Variants in SEMA3E observed in about 807,000 individuals in gnomAD.
The protein encoded by SEMA3E is semaphorin-3E.
SEMA3E carries 49 observed loss-of-function variants against 93.6 expected under a neutral mutation model. That is an observed-to-expected ratio of 0.52 (90% confidence interval 0.42 to 0.66). SEMA3E has a LOEUF of 0.66. Ranked by LOEUF, SEMA3E falls within the 30% of genes least tolerant of loss-of-function variation. SEMA3E has a pLI of 0.00. For missense variants in SEMA3E, 906 were observed against 964.8 expected, an observed-to-expected ratio of 0.94 and a Z score of 0.81; for synonymous variants, 363 against 330.7, an observed-to-expected ratio of 1.10 and a Z score of -1.06.
intron 4 of SEMA3E, among the ~76,000 whole-genome samples, chr7:83,458,136 T>G (rs1241887333): frequency 6.6e-6 from 1 of 151,606 alleles, no homozygotes; most frequent in African/African-American, 2.4e-5. Flanking sequence ...CTATTGGAAT[T>G]TGAAATAATA....
At chr7:83,603,900 C>A (rs1038337768) in intron 1 of SEMA3E, among the ~76,000 whole-genome samples, 1 of 152,012 alleles carries the variant, frequency 6.6e-6, no homozygotes, top group Non-Finnish European at 1.5e-5. Context: ...CCCTTACATG[C>A]GTGAGTGTTT....
chr7:83,434,366 C>T (rs895700823), intron 4 of SEMA3E, among the ~76,000 whole-genome samples: 1 of 151,960 alleles, frequency 6.6e-6, no homozygotes, highest in African/African-American at 2.4e-5. Context: ...CTGGGGACTG[C>T]CATTTTCAAA....
At chr7:83,610,682 T>A (rs1040721905) in intron 1 of SEMA3E, among the ~76,000 whole-genome samples, 3 of 151,986 alleles carry the variant, frequency 2.0e-5, no homozygotes, top group African/African-American at 7.2e-5. Context: ...TATTTGGAGA[T>A]AGAGACTTTA....
intron 1 of SEMA3E, among the ~76,000 whole-genome samples, chr7:83,533,305 G>T (rs1364888478): frequency 6.6e-6 from 1 of 152,124 alleles, no homozygotes; most frequent in Non-Finnish European, 1.5e-5. Context: ...ACTTTGGGAG[G>T]CCAAGGTGGG....
At position 83,364,906 on chromosome 7, in the gene SEMA3E, A is replaced by G. The variant is rs1334165111; in HGVS notation, c.*2680T>C. ...CTTAATTCCTCCAAGTCTTGTAGGT[A>G]TCTAAGTATGTGCCCTCCCTGAGTT... On this transcript the variant is annotated 3_prime_UTR_variant, in exon 17 of 17. Transcript: ENST00000643230. The G allele has an allele frequency of 6.6e-6, 1 of 152,204 alleles. No homozygotes were observed. Among genetic ancestry groups the G allele is most frequent in the Non-Finnish European group, 1.5e-5 (1 of 68,032 alleles). 9.4% of individuals were successfully genotyped at this position (152,204 alleles called of 1,614,324 possible). A position where few individuals can be genotyped will look rare whatever the true frequency, so the allele number is the denominator to read the frequency against.
At chr7:83,516,157 A>C (rs1260706824) in intron 1 of SEMA3E, among the ~76,000 whole-genome samples, 1 of 152,186 alleles carries the variant, frequency 6.6e-6, no homozygotes, top group Non-Finnish European at 1.5e-5. Flanking sequence ...CCATATAAGT[A>C]ATCCTTTTCT....
intron 4 of SEMA3E, among the ~76,000 whole-genome samples, chr7:83,458,640 C>T (rs376020750): frequency 5.9e-5 from 9 of 151,760 alleles, no homozygotes; most frequent in African/African-American, 7.2e-5. Context: ...GGCTAATATA[C>T]CTTTCAAGTA....
intron 1 of SEMA3E, among the ~76,000 whole-genome samples, chr7:83,492,704 TTA>T (rs1300530023): frequency 4.1e-5 from 6 of 147,836 alleles, no homozygotes; most frequent in Middle Eastern, 3.6e-3. Flanking sequence ...TTAATGATCT[TTA>T]TGTTTATTTA....
chr7:83,442,033 A>C (rs1375907994), intron 4 of SEMA3E, among the ~76,000 whole-genome samples: 1 of 152,204 alleles, frequency 6.6e-6, no homozygotes, highest in East Asian at 1.9e-4. Context: ...TTTCAAATTA[A>C]ATCTACATAT....
In SEMA3E at chr7:83,364,201, T is replaced by C. The variant is rs1794632633; in HGVS notation, c.*3385A>G. The C allele has an allele frequency of 6.6e-6, 1 of 152,150 alleles. No homozygotes were observed. The highest frequency in any genetic ancestry group is 2.4e-5 in the African/African-American group (1 of 41,428). 9.4% of individuals were successfully genotyped at this position (152,150 alleles called of 1,614,324 possible). A position where few individuals can be genotyped will look rare whatever the true frequency, so the allele number is the denominator to read the frequency against. ...GAGCCACCGCGCCCGGCCAGGTCAA[T>C]TCATTTTTAAGGACAACAGCTGCTG... is the stretch of plus-strand genomic sequence containing the variant. On this transcript the variant is annotated 3_prime_UTR_variant, in exon 17 of 17. Transcript: ENST00000643230.
At chr7:83,557,954 T>C (rs1041243916) in intron 1 of SEMA3E, among the ~76,000 whole-genome samples, 4 of 152,156 alleles carry the variant, frequency 2.6e-5, no homozygotes, top group East Asian at 1.9e-4. Flanking sequence ...AGAAAGGCTG[T>C]AAAACCCAGT....
intron 1 of SEMA3E, among the ~76,000 whole-genome samples, chr7:83,509,152 T>C (rs1790762834): frequency 6.6e-6 from 1 of 152,192 alleles, no homozygotes; most frequent in Non-Finnish European, 1.5e-5. Flanking sequence ...TGTATTATAC[T>C]TAAACCTTTA....
At chr7:83,629,959 A>G (rs1237694449) in intron 1 of SEMA3E, among the ~76,000 whole-genome samples, 1 of 152,166 alleles carries the variant, frequency 6.6e-6, no homozygotes, top group Non-Finnish European at 1.5e-5. Context: ...GGTTGCAAAG[A>G]CTGTGGGAAA....
chr7:83,636,928 T>TA (rs1349772800), intron 1 of SEMA3E, among the ~76,000 whole-genome samples: 2 of 151,960 alleles, frequency 1.3e-5, no homozygotes, highest in Admixed American at 6.6e-5. Context: ...CCTTGATATA[T>TA]AAAAAAAGCA....
intron 1 of SEMA3E, among the ~76,000 whole-genome samples, chr7:83,599,858 A>G (rs377077647): frequency 3.3e-5 from 5 of 152,296 alleles, no homozygotes; most frequent in African/African-American, 9.6e-5. Flanking sequence ...TAGTACAATT[A>G]TTTTTAAAAG....
intron 16 of SEMA3E, 32 bp from the exon 17 acceptor site, chr7:83,368,070 G>A: frequency 6.3e-7 from 1 of 1,578,560 alleles, no homozygotes; most frequent in Non-Finnish European, 8.7e-7. Context: ...TGGCACTGAA[G>A]TACACAGGAG....
intron 1 of SEMA3E, among the ~76,000 whole-genome samples, chr7:83,492,545 C>T (rs1278940496): frequency 6.6e-6 from 1 of 151,918 alleles, no homozygotes; most frequent in Admixed American, 6.6e-5. Flanking sequence ...ATCACCTTCT[C>T]TTGTAACCTA....
chr7:83,592,073 G>A (rs760010340), intron 1 of SEMA3E, among the ~76,000 whole-genome samples: 1 of 151,962 alleles, frequency 6.6e-6, no homozygotes, highest in Non-Finnish European at 1.5e-5. Flanking sequence ...ATAGCATGGT[G>A]CTTATATATT....
intron 1 of SEMA3E, chr7:83,616,670 G>A (rs1264583658): frequency 6.7e-6 from 3 of 446,980 alleles, no homozygotes; most frequent in Admixed American, 2.4e-5. Flanking sequence ...AAGTTGTGAA[G>A]GCCCAGATGA....
Sources: gnomAD v4.1 joint callset for allele counts (sites outside exome capture counted in the v4.1 genomes callset) on GRCh38, gnomAD v4.1.1 for gene constraint, MANE v1.5 for transcripts, NCBI Gene and HGNC (gene_info 2026-07-23, HGNC 2026-07-21) for gene names.